Variants in CD244 observed in about 807,000 individuals in gnomAD.
The protein encoded by CD244 is natural killer cell receptor 2B4.
A neutral mutation model predicts 45.5 loss-of-function variants in CD244; 20 were observed. The observed-to-expected ratio is 0.44, with a 90% CI of 0.31 to 0.64. The LOEUF (loss-of-function observed/expected upper bound fraction) is 0.64. CD244 is among the 30% of genes least tolerant of loss of function. The pLI is 0.08. For synonymous variants in CD244, 185 were observed against 160.5 expected (o/e 1.15, Z -1.15); for missense variants, 407 against 426.9 (o/e 0.95, Z 0.41).
chr1:160,862,701 C>A lies in CD244; in HGVS notation c.-24G>T. On this transcript the variant is annotated 5_prime_UTR_variant, in exon 1 of 9. Transcript: ENST00000368034. ...ATTTCCACAGGACAGAGGGGCCAGG[C>A]CAGCCCCTCCACCCCACCAGACTCT... The A allele has an allele frequency of 1.2e-6, 2 of 1,610,470 alleles. No homozygotes were observed. Among genetic ancestry groups the A allele is most frequent in the Non-Finnish European group, 1.7e-6 (2 of 1,177,478 alleles).
chr1:160,850,374 A>T (rs756785667), intron 1 of CD244, among the ~76,000 whole-genome samples: 3 of 152,204 alleles, frequency 2.0e-5, no homozygotes, highest in African/African-American at 4.8e-5. Flanking sequence ...AAGACTTAAT[A>T]TTGCTAAGAT....
chr1:160,832,530 T>C lies in CD244; in HGVS notation c.1006A>G (p.Ile336Val). ...TTCCAGAATCTTACCACTTCATAGA[T>C]AGTGCTATTGAAGGAAGGGCTGTGG... ...RNHSPSFNST[I>V]YEVIGKSQPK... Residue 336 changes from isoleucine (I) to valine (V), a missense_variant, in exon 8 of 9, where the codon ATC becomes GTC. Physicochemically the swap from Ile to Val is conservative, Grantham distance 29. Transcript: ENST00000368034. 6.2e-7 allele frequency: 1 copy of C among 1,602,364 alleles called. No individual in the cohort carries two copies. The highest frequency in any genetic ancestry group is 8.5e-7 in the Non-Finnish European group (1 of 1,171,450).
intron 1 of CD244, among the ~76,000 whole-genome samples, chr1:160,842,345 G>T (rs888113298): frequency 3.9e-5 from 6 of 152,074 alleles, no homozygotes; most frequent in African/African-American, 1.2e-4. Context: ...GAACTCCTGG[G>T]CTTGAGGTGA....
intron 7 of CD244, chr1:160,832,869 TGTATATATATATATATATACACACACAC>T: frequency 3.2e-6 from 1 of 311,920 alleles, no homozygotes; most frequent in South Asian, 3.0e-5. Context: ...TGTGTGTGTG[TGTATATATATATATATATACACACACAC>T]ATATATATAC....
At chr1:160,851,154 C>T (rs1299290887) in intron 1 of CD244, among the ~76,000 whole-genome samples, 1 of 152,140 alleles carries the variant, frequency 6.6e-6, no homozygotes, top group African/African-American at 2.4e-5. Context: ...ATGGAGGCCT[C>T]AATAAATGGG....
chr1:160,835,122 T>G (rs1669284976), intron 6 of CD244, among the ~76,000 whole-genome samples: 1 of 152,272 alleles, frequency 6.6e-6, no homozygotes, highest in East Asian at 1.9e-4. Context: ...GCCATTTTTA[T>G]CAGAAAGTCT....
intron 8 of CD244, 45 bp from the exon 9 acceptor site, chr1:160,831,472 C>A (rs1296933786): frequency 7.5e-7 from 1 of 1,327,736 alleles, no homozygotes; most frequent in Non-Finnish European, 1.1e-6. Flanking sequence ...ACTGGGAGGT[C>A]CTTATCACAA....
rs146662702 is a variant in CD244 at position 160,831,861 on chromosome 1, G to T, written c.1018-434C>A. ...GCTAATGGGTAGTGGGGGAGGTTGG[G>T]GGATGCTCTCCATGCCTTAATTTCT... is the stretch of plus-strand genomic sequence containing the variant. On this transcript the variant is annotated intron_variant, in intron 8 of 8. Transcript: ENST00000368034. Among the ~76,000 whole-genome samples, 19 of 152,220 alleles carry T rather than the reference G, an allele frequency of 1.2e-4. No individual in the cohort carries two copies. The East Asian group carries it at 3.5e-3, about 28-fold the overall frequency.
Position 160,841,985 on chromosome 1 carries a change from G to A in CD244, c.62-84C>T, listed in dbSNP as rs1011371463. 8.7e-6 allele frequency: 10 copies of A among 1,148,916 alleles called. No homozygotes were observed. The South Asian group carries it at 1.1e-4, about 13-fold the overall frequency. 71.2% of individuals were successfully genotyped at this position (1,148,916 alleles called of 1,614,324 possible). A position where few individuals can be genotyped will look rare whatever the true frequency, so the allele number is the denominator to read the frequency against. On this transcript the variant is annotated intron_variant, in intron 1 of 8. Transcript: ENST00000368034. ...GGCAGCTGGATGTGACTTCCCTTAA[G>A]CCAATTGGGTGGGGATGAGTATGAG...
chr1:160,834,351 G>GT (rs999161289), intron 6 of CD244, among the ~76,000 whole-genome samples: 10 of 152,136 alleles, frequency 6.6e-5, no homozygotes, highest in African/African-American at 2.4e-4. Context: ...TCCTCTAACT[G>GT]TTTTTTTGTT....
Position 160,840,504 on chromosome 1 carries a change from A to G in CD244, c.655+706T>C, listed in dbSNP as rs532974412. ...TCTCAAACTCCTGACCTTGTGATCC[A>G]CCCACCTCAGCCTCCCAAAGTGCTG... On this transcript the variant is annotated intron_variant, in intron 3 of 8. Coordinates refer to ENST00000368034, the MANE Select transcript of CD244 (RefSeq NM_016382.4). Among the ~76,000 whole-genome samples the G allele has an allele frequency of 6.2e-4, 95 of 152,150 alleles. 4 individuals carry two copies. In the South Asian group the frequency reaches 0.018, roughly 30 times the overall value.
intron 7 of CD244, chr1:160,832,856 A>G: frequency 3.2e-6 from 1 of 313,394 alleles, no homozygotes; most frequent in Non-Finnish European, 6.0e-6. Flanking sequence ...CCATACACAT[A>G]TGTGTGTGTG....
intron 6 of CD244, 111 bp from the exon 7 acceptor site, chr1:160,834,227 T>G (rs765580701): frequency 4.8e-5 from 39 of 815,526 alleles, no homozygotes; most frequent in Non-Finnish European, 7.4e-5. Context: ...AAGCTTCAAG[T>G]GTTAGTGAAA....
chr1:160,835,652 A>T (rs183548224), intron 6 of CD244, among the ~76,000 whole-genome samples: 29 of 152,290 alleles, frequency 1.9e-4, no homozygotes, highest in African/African-American at 7.0e-4. Context: ...CCACTAAAGA[A>T]CTGACTCATG....
intron 8 of CD244, 118 bp downstream of exon 8, chr1:160,832,401 A>G (rs1471147238): frequency 8.7e-6 from 6 of 688,374 alleles, no homozygotes; most frequent in Non-Finnish European, 1.0e-5. Context: ...GAAGATCTCT[A>G]AATTCCCTAC....
chr1:160,848,303 TC>T, intron 1 of CD244: 2 of 593,320 alleles, frequency 3.4e-6, no homozygotes, highest in Non-Finnish European at 3.2e-6. Context: ...TGGCATCTTG[TC>T]CATGGCAAAT....
In CD244 at chr1:160,862,644, G is replaced by A; in HGVS notation, c.34C>T (p.Leu12=). The A allele has an allele frequency of 6.2e-7, 1 of 1,614,126 alleles. No homozygotes were observed. Among genetic ancestry groups the A allele is most frequent in the Non-Finnish European group, 8.5e-7 (1 of 1,179,964 alleles). Residue 12 remains leucine (L), a synonymous_variant, in exon 1 of 9, where the codon CTG becomes TTG. Coordinates refer to ENST00000368034, the MANE Select transcript of CD244 (RefSeq NM_016382.4). ...LGQVVTLILL[L]LLKVYQGKGC... is the part of the protein sequence containing the mutation. Reference sequence around the variant, plus strand: ...TTGCCCTGATACACCTTGAGGAGCAGGAGGAGTATGAGGGTGACCACTTGC... The same window carrying A: ...TTGCCCTGATACACCTTGAGGAGCAAGAGGAGTATGAGGGTGACCACTTGC...
intron 7 of CD244, among the ~76,000 whole-genome samples, chr1:160,832,870 G>GTATATA (rs1553194340): frequency 2.6e-3 from 310 of 117,896 alleles, no homozygotes; most frequent in African/African-American, 6.6e-3. Context: ...GTGTGTGTGT[G>GTATATA]TATATATATA....
chr1:160,839,734 G>A (rs766557403), intron 3 of CD244, among the ~76,000 whole-genome samples: 4 of 152,270 alleles, frequency 2.6e-5, no homozygotes, highest in African/African-American at 9.6e-5. Flanking sequence ...GTTGCGAGGT[G>A]GGTCCTGGAA....
Sources: allele counts gnomAD v4.1 joint callset (sites outside exome capture counted in the v4.1 genomes callset), GRCh38; gene constraint gnomAD v4.1.1; transcripts MANE v1.5; gene names NCBI Gene and HGNC (gene_info 2026-07-23, HGNC 2026-07-21).